Variants in MTF1 observed in about 807,000 individuals in gnomAD.
The protein encoded by MTF1 is MRE-binding transcription factor.
MTF1 carries 22 observed loss-of-function variants against 70.4 expected under a neutral mutation model. That is an observed-to-expected ratio of 0.31 (90% CI 0.22 to 0.45). MTF1 has a LOEUF of 0.45. Among genes scored for constraint, MTF1 ranks in the 20% least tolerant of loss-of-function variants. The probability of loss-of-function intolerance (pLI) is 1.00; values close to 1 mark genes in which losing one functional copy is unlikely to be tolerated. For missense variants in MTF1, 649 were observed against 922.0 expected (o/e 0.70, Z 3.83); for synonymous variants, 333 against 352.8 (o/e 0.94, Z 0.63).
chr1:37,820,917 G>A (rs561979210), intron 9 of MTF1, among the ~76,000 whole-genome samples: 56 of 152,282 alleles, frequency 3.7e-4, no homozygotes, highest in African/African-American at 1.3e-3. Flanking sequence ...GATGGCTCAC[G>A]CCTATAGTCC....
chr1:37,841,831 A>G (rs1168658990), intron 2 of MTF1, among the ~76,000 whole-genome samples: 1 of 152,162 alleles, frequency 6.6e-6, no homozygotes, highest in Non-Finnish European at 1.5e-5. Flanking sequence ...GGAGTTTGAG[A>G]CAACCTGGGC....
intron 2 of MTF1, among the ~76,000 whole-genome samples, chr1:37,842,131 G>A (rs981720939): frequency 1.2e-4 from 19 of 152,094 alleles, no homozygotes; most frequent in Non-Finnish European, 2.2e-4. Context: ...AGCCAGGCGT[G>A]GTGGCACATG....
intron 1 of MTF1, among the ~76,000 whole-genome samples, chr1:37,858,909 T>C (rs530287823): frequency 6.6e-6 from 1 of 152,226 alleles, no homozygotes; most frequent in African/African-American, 2.4e-5. Context: ...AATCAGCACA[T>C]CCCTTTTAGT....
chr1:37,838,511 G>C, intron 4 of MTF1, 114 bp downstream of exon 4: 2 of 874,138 alleles, frequency 2.3e-6, no homozygotes, highest in Non-Finnish European at 3.4e-6. Flanking sequence ...AGCTAACACT[G>C]CTAAATCAAG....
At chr1:37,819,168 A>G (rs2148400144) in intron 9 of MTF1, among the ~76,000 whole-genome samples, 1 of 152,282 alleles carries the variant, frequency 6.6e-6, no homozygotes, top group Admixed American at 6.5e-5. Context: ...TGTAAGAAAT[A>G]AATGTATTTT....
chr1:37,822,113 A>G lies in MTF1; in HGVS notation c.1767+8T>C, dbSNP rs1170318069. The G allele has an allele frequency of 6.3e-7, 1 of 1,578,154 alleles. No individual in the cohort carries two copies. The highest frequency in any genetic ancestry group is 8.6e-7 in the Non-Finnish European group (1 of 1,158,250). On this transcript the variant is annotated splice_region_variant and intron_variant, in intron 9 of 10. Coordinates refer to ENST00000373036, the MANE Select transcript of MTF1 (RefSeq NM_005955.3). ...ACCCCACTGGGTATATTCATACATA[A>G]TACTTACAATTTGTTCTTGGTTTTG...
chr1:37,858,015 TAA>T (rs71053997), intron 1 of MTF1, among the ~76,000 whole-genome samples: 5 of 124,026 alleles, frequency 4.0e-5, no homozygotes, highest in South Asian at 2.4e-4. Flanking sequence ...CCATCTCTAA[TAA>T]AAAAAAAAAA....
chr1:37,818,660 C>T (rs189103357), intron 9 of MTF1, among the ~76,000 whole-genome samples: 34 of 145,956 alleles, frequency 2.3e-4, no homozygotes, highest in African/African-American at 5.9e-4. Flanking sequence ...GCCGAGATCG[C>T]GCCACTGCAC....
intron 7 of MTF1, among the ~76,000 whole-genome samples, chr1:37,827,428 A>G (rs1200112212): frequency 2.0e-5 from 3 of 151,400 alleles, no homozygotes; most frequent in Non-Finnish European, 4.4e-5. Context: ...CATGATCTTG[A>G]CTCACTGCAA....
chr1:37,827,313 A>C (rs2148405690), intron 7 of MTF1, among the ~76,000 whole-genome samples: 1 of 150,148 alleles, frequency 6.7e-6, no homozygotes, highest in Admixed American at 6.7e-5. Flanking sequence ...ACTGAGCATA[A>C]GCTTTGCAAC....
At chr1:37,853,956 A>C (rs1383311682) in intron 2 of MTF1, among the ~76,000 whole-genome samples, 1 of 152,240 alleles carries the variant, frequency 6.6e-6, no homozygotes, top group Non-Finnish European at 1.5e-5. Context: ...CCCCCCTACA[A>C]GCTCAAATAT....
chr1:37,847,735 A>C (rs532787815), intron 2 of MTF1, among the ~76,000 whole-genome samples: 5 of 152,186 alleles, frequency 3.3e-5, no homozygotes, highest in Non-Finnish European at 7.3e-5. Flanking sequence ...CATGCCTGTA[A>C]GTGCTCACCT....
chr1:37,822,307 C>G lies in MTF1; in HGVS notation c.1581G>C (p.Glu527Asp), dbSNP rs1312904027. The change falls in exon 9 of 11, where the codon GAG becomes GAC. Residue 527 changes from glutamate to aspartate, a missense_variant. By Grantham distance (45) the Glu-to-Asp change is conservative. Coordinates refer to ENST00000373036, the MANE Select transcript of MTF1 (RefSeq NM_005955.3). The stretch of plus-strand genomic sequence containing the variant: ...GAGTCTGGACCATGGCTGGCAGGGG[C>G]TCAGTAGTACTTTGTGGTGGGGCTG... ...AAPAPPQSTT[E>D]PLPAMVQTLP... is the part of the protein sequence containing the mutation. 1 of 1,613,762 alleles carries G rather than the reference C, an allele frequency of 6.2e-7. No individual in the cohort carries two copies. Among genetic ancestry groups the G allele is most frequent in the South Asian group, 1.1e-5 (1 of 91,012 alleles).
rs757957004 is a variant in MTF1 at position 37,838,645 on chromosome 1, A to G, written c.759T>C (p.His253=). Residue 253 remains histidine, a synonymous_variant, in exon 4 of 11, where the codon CAT becomes CAC. Transcript: ENST00000373036. ...CCTACCGAAATGGCTTTTCCCCTGT[A>G]TGAGTTCGAATGTGCTTCCTCAGAT... ...LSDLRKHIRT[H]TGEKPFRCDH... 5.6e-6 allele frequency: 9 copies of G among 1,612,560 alleles called. No homozygotes were observed. Among genetic ancestry groups the G allele is most frequent in the Admixed American group, 1.7e-5 (1 of 59,894 alleles).
At position 37,857,389 on chromosome 1, in the gene MTF1, G is replaced by C. The variant is rs766151369; in HGVS notation, c.270C>G (p.Ser90=). 1.2e-6 allele frequency: 2 copies of C among 1,614,122 alleles called. No homozygotes were observed. Among genetic ancestry groups the C allele is most frequent in the South Asian group, 1.1e-5 (1 of 91,084 alleles). Reference sequence around the variant, plus strand: ...AGATAATGTGCTGCACATAACCCTGGGACATTGCTTCATGATCTATCAGGT... The same window carrying C: ...AGATAATGTGCTGCACATAACCCTGCGACATTGCTTCATGATCTATCAGGT... ...GFHLIDHEAM[S]QGYVQHIISP... is the part of the protein sequence containing the mutation. Residue 90 remains serine, a synonymous_variant, in exon 2 of 11, where the codon TCC becomes TCG. Coordinates refer to ENST00000373036, the MANE Select transcript of MTF1 (RefSeq NM_005955.3).
In MTF1 at chr1:37,832,145, T is replaced by C. The variant is rs1042472767; in HGVS notation, c.1068+100A>G. The C allele has an allele frequency of 2.5e-5, 19 of 751,122 alleles. 1 individual carries two copies. Among genetic ancestry groups the C allele is most frequent in the Admixed American group, 2.3e-4 (9 of 39,660 alleles). 46.5% of individuals were successfully genotyped at this position (751,122 alleles called of 1,614,324 possible). A position where few individuals can be genotyped will look rare whatever the true frequency, so the allele number is the denominator to read the frequency against. On this transcript the variant is annotated intron_variant, in intron 7 of 10. Coordinates refer to ENST00000373036, the MANE Select transcript of MTF1 (RefSeq NM_005955.3). ...GTCAGTAATTAAACACAATTAAATT[T>C]AGAAAACTTCAAAGACTGGCCTGCC...
At chr1:37,847,171 A>G (rs1162865270) in intron 2 of MTF1, among the ~76,000 whole-genome samples, 1 of 152,184 alleles carries the variant, frequency 6.6e-6, no homozygotes, top group Non-Finnish European at 1.5e-5. Flanking sequence ...CTTTACCCTT[A>G]CAGAACAAGT....
At chr1:37,856,933 T>C (rs1010396840) in intron 2 of MTF1, among the ~76,000 whole-genome samples, 1 of 152,248 alleles carries the variant, frequency 6.6e-6, no homozygotes, top group African/African-American at 2.4e-5. Context: ...ACTCCAGTTA[T>C]TTCCCTGTAG....
intron 2 of MTF1, among the ~76,000 whole-genome samples, chr1:37,850,861 T>A (rs1172582190): frequency 6.6e-6 from 1 of 152,036 alleles, no homozygotes; most frequent in Non-Finnish European, 1.5e-5. Flanking sequence ...AATAAGCTGC[T>A]TGGGAAGCCA....
Sources: gnomAD v4.1 joint callset for allele counts (sites outside exome capture counted in the v4.1 genomes callset) on GRCh38, gnomAD v4.1.1 for gene constraint, MANE v1.5 for transcripts, NCBI Gene and HGNC (gene_info 2026-07-23, HGNC 2026-07-21) for gene names.